KCTD18: variants seen among roughly 807,000 people sequenced by gnomAD.
The protein encoded by KCTD18 is BTB/POZ domain-containing protein KCTD18.
In KCTD18, 22 loss-of-function variants were observed where a neutral mutation model predicts 30.4. That is an observed-to-expected ratio of 0.72 (90% confidence interval 0.52 to 1.03). The LOEUF (loss-of-function observed/expected upper bound fraction) is 1.03. Among genes scored for constraint, KCTD18 ranks in the 50% least tolerant of loss-of-function variants. KCTD18 has a pLI of 0.00. For missense variants in KCTD18, 529 were observed against 547.6 expected (o/e 0.97, Z 0.34); for synonymous variants, 186 against 209.0 (o/e 0.89, Z 0.95).
chr2:200,494,746 T>C (rs1311087248), intron 5 of KCTD18, among the ~76,000 whole-genome samples: 1 of 152,236 alleles, frequency 6.6e-6, no homozygotes, highest in East Asian at 1.9e-4. Context: ...GGTACACATT[T>C]CAATGAGTTT....
rs372891645 is a variant in KCTD18 at position 200,490,534 on chromosome 2, T to A, written c.847A>T (p.Thr283Ser). The A allele has an allele frequency of 5.6e-6, 9 of 1,604,136 alleles. No individual in the cohort carries two copies. Among genetic ancestry groups the A allele is most frequent in the East Asian group, 2.2e-5 (1 of 44,888 alleles). Residue 283 changes from threonine to serine, a missense_variant, in exon 7 of 7, where the codon ACA (threonine) becomes TCA (serine). By Grantham distance (58) the Thr-to-Ser change is moderately conservative. Coordinates refer to ENST00000359878, the MANE Select transcript of KCTD18 (RefSeq NM_152387.4). ...PKPVRFLGPS[T>S]STQIKVKNSA... ...TTCTTGACTTTAATTTGGGTACTTG[T>A]GGAAGGGCCCAAAAATCTAACTGGC...
At chr2:200,500,231 T>A (rs1273499638) in intron 3 of KCTD18, among the ~76,000 whole-genome samples, 1 of 149,700 alleles carries the variant, frequency 6.7e-6, no homozygotes. Context: ...AAGACAGGGA[T>A]GCCCTCTCTC....
At chr2:200,500,490 GACAA>G (rs1257719569) in intron 3 of KCTD18, among the ~76,000 whole-genome samples, 7 of 151,940 alleles carry the variant, frequency 4.6e-5, no homozygotes, top group Admixed American at 1.3e-4. Context: ...ACCAACAACA[GACAA>G]ACAGAGAGCC....
chr2:200,507,045 G>A lies in KCTD18; in HGVS notation c.-29C>T, dbSNP rs3739116. 1 of 1,583,186 alleles carries A rather than the reference G, an allele frequency of 6.3e-7. No individual in the cohort carries two copies. The highest frequency in any genetic ancestry group is 8.6e-7 in the Non-Finnish European group (1 of 1,160,604). On this transcript the variant is annotated 5_prime_UTR_variant, in exon 2 of 7. Transcript: ENST00000359878. ...TCCCCCAGGCACCTGAATTTTTGCCGCCCAACACTTTCAGAAACTTCAAAA... is the reference window on the plus strand; with the variant it reads ...TCCCCCAGGCACCTGAATTTTTGCCACCCAACACTTTCAGAAACTTCAAAA...
intron 5 of KCTD18, chr2:200,497,231 C>A (rs534747806): frequency 1.3e-5 from 2 of 153,298 alleles, no homozygotes; most frequent in East Asian, 3.9e-4. Context: ...TGGTAAGTAG[C>A]GTACAGGATT....
chr2:200,490,311 G>A lies in KCTD18; in HGVS notation c.1070C>T (p.Thr357Met), dbSNP rs2087891706. 4 of 1,614,234 alleles carry A rather than the reference G, an allele frequency of 2.5e-6. No homozygotes were observed. The highest frequency in any genetic ancestry group is 3.4e-6 in the Non-Finnish European group (4 of 1,180,026). The change falls in exon 7 of 7, where the codon ACG (threonine) becomes ATG (methionine). Residue 357 changes from threonine (T) to methionine (M), a missense_variant. By Grantham distance (81) the Thr-to-Met change is moderately conservative (BLOSUM62 -1). Coordinates refer to ENST00000359878, the MANE Select transcript of KCTD18 (RefSeq NM_152387.4). ...PGAASAENGG[T>M]HLPPAKVLLS... Reference sequence around the variant, plus strand: ...TAGCACCTTAGCTGGAGGTAAGTGCGTGCCTCCATTTTCAGCGCTCGCAGC... The same window carrying A: ...TAGCACCTTAGCTGGAGGTAAGTGCATGCCTCCATTTTCAGCGCTCGCAGC...
chr2:200,499,206 T>C, intron 3 of KCTD18, 122 bp from the exon 4 acceptor site: 2 of 686,378 alleles, frequency 2.9e-6, no homozygotes, highest in Non-Finnish European at 4.7e-6. Context: ...ATAAAAAGAT[T>C]ATATATTTCA....
chr2:200,504,274 C>T lies in KCTD18; in HGVS notation c.372+474G>A, dbSNP rs186527102. On this transcript the variant is annotated intron_variant, in intron 3 of 6. Coordinates refer to ENST00000359878, the MANE Select transcript of KCTD18 (RefSeq NM_152387.4). Reference sequence around the variant, plus strand: ...CAGATCGAGACCATCCTGGCTAACACGGTGAAACCCCCGTCTCTACTAAAA... The same window carrying T: ...CAGATCGAGACCATCCTGGCTAACATGGTGAAACCCCCGTCTCTACTAAAA... 4.2e-3 allele frequency among the ~76,000 whole-genome samples: 633 copies of T among 152,104 alleles called. 2 individuals carry two copies. Among genetic ancestry groups the T allele is most frequent in the Non-Finnish European group, 6.8e-3 (464 of 68,000 alleles).
At chr2:200,497,538 C>A in intron 5 of KCTD18, 5 of 474,726 alleles carry the variant, frequency 1.1e-5, no homozygotes, top group Non-Finnish European at 1.9e-5. Context: ...CAGAAACATA[C>A]CTAGTTACTG....
chr2:200,493,598 TCTCA>T (rs2087955089), intron 5 of KCTD18, among the ~76,000 whole-genome samples: 1 of 152,174 alleles, frequency 6.6e-6, no homozygotes, highest in Non-Finnish European at 1.5e-5. Context: ...AATCTCCATC[TCTCA>T]CTCACTATTC....
intron 2 of KCTD18, 46 bp from the exon 3 acceptor site, chr2:200,505,005 C>T (rs1477478878): frequency 6.8e-7 from 1 of 1,478,442 alleles, no homozygotes. Context: ...TTCTGTCGAT[C>T]AATAAGATTT....
intron 3 of KCTD18, among the ~76,000 whole-genome samples, chr2:200,501,756 A>G (rs1230724860): frequency 1.3e-5 from 2 of 151,868 alleles, no homozygotes. Context: ...AGTATTAGAA[A>G]TACCATTTGA....
chr2:200,502,917 C>G (rs2106283186), intron 3 of KCTD18, among the ~76,000 whole-genome samples: 1 of 152,144 alleles, frequency 6.6e-6, no homozygotes, highest in East Asian at 1.9e-4. Context: ...GTAATCCCAG[C>G]TACTCAGGAG....
intron 3 of KCTD18, among the ~76,000 whole-genome samples, chr2:200,502,938 G>A (rs993522551): frequency 2.6e-5 from 4 of 151,928 alleles, no homozygotes; most frequent in Middle Eastern, 3.4e-3. Context: ...GCTGAGGCAG[G>A]AGAATCACTT....
chr2:200,508,370 G>T (rs7581678), intron 1 of KCTD18, among the ~76,000 whole-genome samples: 3,402 of 152,214 alleles, frequency 0.022, 124 homozygotes, highest in African/African-American at 0.078. Context: ...GATTACAGGC[G>T]TGAGCCACTG....
intron 3 of KCTD18, among the ~76,000 whole-genome samples, chr2:200,500,857 A>C (rs1345601376): frequency 1.3e-5 from 2 of 152,208 alleles, no homozygotes; most frequent in Non-Finnish European, 1.5e-5. Context: ...AAGCTGGAGG[A>C]GGCATCATGC....
At chr2:200,495,216 T>C (rs2087982266) in intron 5 of KCTD18, among the ~76,000 whole-genome samples, 1 of 152,204 alleles carries the variant, frequency 6.6e-6, no homozygotes, top group Non-Finnish European at 1.5e-5. Flanking sequence ...TCATATGATA[T>C]ACTTTACATT....
At chr2:200,496,624 A>G (rs1280982342) in intron 5 of KCTD18, 3 of 152,228 alleles carry the variant, frequency 2.0e-5, no homozygotes, top group African/African-American at 4.8e-5. Flanking sequence ...CCTCTCAAGT[A>G]GCTGGGATCA....
chr2:200,491,676 A>G (rs2087919743), intron 6 of KCTD18, among the ~76,000 whole-genome samples: 1 of 152,074 alleles, frequency 6.6e-6, no homozygotes, highest in African/African-American at 2.4e-5. Flanking sequence ...ACGGGGGAAC[A>G]TTTTTTTAAA....
Sources: allele counts gnomAD v4.1 joint callset (sites outside exome capture counted in the v4.1 genomes callset), GRCh38; gene constraint gnomAD v4.1.1; transcripts MANE v1.5; gene names NCBI Gene and HGNC (gene_info 2026-07-23, HGNC 2026-07-21).